Variants in MINPP1 observed in about 807,000 individuals in gnomAD.
MINPP1 encodes the protein multiple inositol polyphosphate phosphatase 1.
Under a neutral mutation model 46.1 loss-of-function variants are expected in MINPP1, and 28 were observed. That is an observed-to-expected ratio of 0.61 (90% CI 0.45 to 0.83). The LOEUF is 0.83. Among genes scored for constraint, MINPP1 ranks in the 40% least tolerant of loss-of-function variants. The pLI is 0.00. For synonymous variants in MINPP1, 268 were observed against 249.1 expected, an observed-to-expected ratio of 1.08 and a Z score of -0.72; for missense variants, 603 against 610.0, an observed-to-expected ratio of 0.99 and a Z score of 0.12.
At chr10:87,522,203 T>A (rs1337882641) in intron 4 of MINPP1, among the ~76,000 whole-genome samples, 2 of 152,186 alleles carry the variant, frequency 1.3e-5, no homozygotes, top group African/African-American at 2.4e-5. Context: ...AAAATTTTTT[T>A]TAAAGAAGAC....
chr10:87,521,944 C>G (rs898436460), intron 4 of MINPP1, among the ~76,000 whole-genome samples: 1 of 152,154 alleles, frequency 6.6e-6, no homozygotes, highest in Non-Finnish European at 1.5e-5. Context: ...GTTGGTCTCC[C>G]AAAGTGTTGG....
chr10:87,550,665 GT>G (rs1314171353), intron 4 of MINPP1, among the ~76,000 whole-genome samples: 10 of 151,876 alleles, frequency 6.6e-5, no homozygotes, highest in Non-Finnish European at 1.5e-5. Flanking sequence ...GAGCCCCCCC[GT>G]TCTGGTGTGT....
At chr10:87,520,987 T>C in intron 3 of MINPP1, 49 bp from the exon 4 acceptor site, 1 of 750,724 alleles carries the variant, frequency 1.3e-6, no homozygotes, top group Non-Finnish European at 2.3e-6. Flanking sequence ...TCAGGGAATC[T>C]TGTTATATTT....
intron 4 of MINPP1, among the ~76,000 whole-genome samples, chr10:87,551,455 T>G (rs1851961650): frequency 6.6e-6 from 1 of 152,090 alleles, no homozygotes. Context: ...AAGAATTGAT[T>G]CAGCTCAGTG....
intron 2 of MINPP1, among the ~76,000 whole-genome samples, chr10:87,510,803 TTAAAGA>T (rs1375308249): frequency 6.6e-6 from 1 of 152,192 alleles, no homozygotes; most frequent in Non-Finnish European, 1.5e-5. Flanking sequence ...AAAATGTTTT[TTAAAGA>T]TAAATAGGTG....
chr10:87,540,395 G>GT (rs1033299896), intron 4 of MINPP1, among the ~76,000 whole-genome samples: 2 of 152,000 alleles, frequency 1.3e-5, no homozygotes, highest in Non-Finnish European at 2.9e-5. Flanking sequence ...CATTTGTTGT[G>GT]TTTTTTGCCC....
intron 4 of MINPP1, among the ~76,000 whole-genome samples, chr10:87,534,042 ATTTTTTTTTTT>A (rs58579107): frequency 1.8e-5 from 1 of 55,414 alleles, no homozygotes; most frequent in Non-Finnish European, 3.2e-5. Flanking sequence ...CTGGCTAAAT[ATTTTTTTTTTT>A]TTTTTTTTTT....
At chr10:87,544,287 G>A (rs1478719320) in intron 4 of MINPP1, among the ~76,000 whole-genome samples, 1 of 152,192 alleles carries the variant, frequency 6.6e-6, no homozygotes, top group African/African-American at 2.4e-5. Flanking sequence ...TGAGGTATGG[G>A]GGAAAGGATG....
chr10:87,519,172 C>T (rs143929431), intron 3 of MINPP1, among the ~76,000 whole-genome samples: 214 of 152,212 alleles, frequency 1.4e-3, no homozygotes, highest in African/African-American at 4.4e-3. Context: ...GAAGTGTGGA[C>T]GAAAGCCAAT....
chr10:87,505,146 C>T lies in MINPP1; in HGVS notation c.231C>T (p.Thr77=). ...GGGACCCTGAGCTGCTGGAGGGGAC[C>T]TGCACCCCGGTGCAGCTGGTCGCCC... ...PWRDPELLEG[T]CTPVQLVALI... is the part of the protein sequence containing the mutation. Residue 77 remains threonine, a synonymous_variant, in exon 1 of 5, where the codon ACC becomes ACT. Coordinates refer to ENST00000371996, the MANE Select transcript of MINPP1 (RefSeq NM_004897.5). This position sits in a 1 kb window ranked among gnomAD's most constrained non-coding sequence, Gnocchi z 4.4. 1.9e-6 allele frequency: 3 copies of T among 1,611,362 alleles called. No individual in the cohort carries two copies. The highest frequency in any genetic ancestry group is 2.7e-5 in the African/African-American group (2 of 75,040).
At chr10:87,510,751 C>T (rs1456384343) in intron 2 of MINPP1, among the ~76,000 whole-genome samples, 1 of 152,144 alleles carries the variant, frequency 6.6e-6, no homozygotes, top group South Asian at 2.1e-4. Context: ...AAAAGTTAGC[C>T]AGTCTTATAA....
chr10:87,537,124 A>G (rs1018943214), intron 4 of MINPP1, among the ~76,000 whole-genome samples: 4 of 151,820 alleles, frequency 2.6e-5, no homozygotes, highest in African/African-American at 7.3e-5. Context: ...TTTAGTAGAG[A>G]TGGGGTTTCA....
intron 4 of MINPP1, among the ~76,000 whole-genome samples, chr10:87,537,509 GT>G (rs35009753): frequency 0.15 from 6,604 of 44,202 alleles, 289 homozygotes; most frequent in African/African-American, 0.36. Context: ...CTTTATTACT[GT>G]TTGTGTGTGT....
At chr10:87,526,839 A>G (rs1851583944) in intron 4 of MINPP1, among the ~76,000 whole-genome samples, 1 of 152,142 alleles carries the variant, frequency 6.6e-6, no homozygotes, top group African/African-American at 2.4e-5. Context: ...CAGATTTGTC[A>G]AAGATCAGAT....
chr10:87,550,415 T>G (rs2131846305), intron 4 of MINPP1, among the ~76,000 whole-genome samples: 1 of 152,300 alleles, frequency 6.6e-6, no homozygotes, highest in South Asian at 2.1e-4. Flanking sequence ...CTTTTAAGTT[T>G]TACACCTTTT....
At chr10:87,548,701 G>A (rs1236099790) in intron 4 of MINPP1, among the ~76,000 whole-genome samples, 3 of 151,680 alleles carry the variant, frequency 2.0e-5, no homozygotes, top group South Asian at 2.1e-4. Context: ...TTCCCTATAG[G>A]CACATTTCAA....
At chr10:87,507,016 C>G (rs1187402230) in intron 1 of MINPP1, among the ~76,000 whole-genome samples, 2 of 152,126 alleles carry the variant, frequency 1.3e-5, no homozygotes, top group Non-Finnish European at 2.9e-5. Context: ...TAATATAACA[C>G]AATATCTATA....
chr10:87,505,195 C>T lies in MINPP1; in HGVS notation c.280C>T (p.Pro94Ser), dbSNP rs755774136. 2.5e-6 allele frequency: 4 copies of T among 1,609,900 alleles called. No homozygotes were observed. The highest frequency in any genetic ancestry group is 3.4e-6 in the Non-Finnish European group (4 of 1,178,240). The change falls in exon 1 of 5, where the codon CCC (proline) becomes TCC (serine). Residue 94 changes from proline (P) to serine (S), a missense_variant. Transcript: ENST00000371996. This position sits in a 1 kb window ranked among gnomAD's most constrained non-coding sequence, Gnocchi z 4.4. ...VALIRHGTRY[P>S]TVKQIRKLRQ... ...CCTCATTCGCCACGGCACCCGCTAC[C>T]CCACGGTCAAACAGATCCGCAAGCT...
rs1233772107 is a variant in MINPP1 at position 87,553,455 on chromosome 10, T to A, written c.*977T>A. 1 of 152,132 alleles carries A rather than the reference T, an allele frequency of 6.6e-6. No individual in the cohort carries two copies. The highest frequency in any genetic ancestry group is 6.6e-5 in the Admixed American group (1 of 15,250). The allele number at this position is 152,132 out of a possible 1,614,324, so 9.4% of individuals were successfully genotyped here. ...TAATTGATGGTAAAAGTTTGGAAAT[T>A]CAAGCAGATTTGACTCACCTGGCAA... On this transcript the variant is annotated 3_prime_UTR_variant, in exon 5 of 5. Transcript: ENST00000371996.
Sources: allele counts gnomAD v4.1 joint callset (sites outside exome capture counted in the v4.1 genomes callset), GRCh38; gene constraint gnomAD v4.1.1; non-coding constraint Gnocchi (gnomAD v3.1); transcripts MANE v1.5; gene names NCBI Gene and HGNC (gene_info 2026-07-23, HGNC 2026-07-21).